The following RPGRIP1L variants were observed in gnomAD, a reference collection of about 807,000 sequenced individuals.
RPGRIP1L encodes the protein protein fantom.
Under a neutral mutation model 160.4 loss-of-function variants are expected in RPGRIP1L, and 131 were observed. The ratio of observed to expected loss-of-function variants is 0.82; its 90% confidence interval spans 0.71 to 0.94. The LOEUF (loss-of-function observed/expected upper bound fraction) is 0.94. Among genes scored for constraint, RPGRIP1L ranks in the 40% least tolerant of loss-of-function variants. RPGRIP1L has a pLI of 0.00. For missense variants in RPGRIP1L, 1,522 were observed against 1,535.8 expected (o/e 0.99, Z 0.15); for synonymous variants, 510 against 515.8 (o/e 0.99, Z 0.15).
intron 3 of RPGRIP1L, chr16:53,695,474 G>A: frequency 2.8e-6 from 2 of 702,496 alleles, no homozygotes; most frequent in Non-Finnish European, 5.2e-6. Context: ...ACATAAATAT[G>A]AATACAGACC....
rs556357133 is a variant in RPGRIP1L, at chr16:53,625,382, G to C, written c.3295-3026C>G. Among the ~76,000 whole-genome samples the C allele has an allele frequency of 1.7e-3, 258 of 149,028 alleles. 2 individuals carry two copies. Among genetic ancestry groups the C allele is most frequent in the Non-Finnish European group, 2.5e-3 (166 of 66,798 alleles). ...CCTCCGCCCGGCCGCCACCCCGTCTGGGAACTGGGGGGGGCGCCTCAGCCT... is the reference window on the plus strand; with the variant it reads ...CCTCCGCCCGGCCGCCACCCCGTCTCGGAACTGGGGGGGGCGCCTCAGCCT... On this transcript the variant is annotated intron_variant, in intron 22 of 26. Transcript: ENST00000647211.
In RPGRIP1L at chr16:53,622,321, G is replaced by A. The variant is rs1304423187; in HGVS notation, c.3330C>T (p.Ser1110=). 4 of 643,896 alleles carry A rather than the reference G, an allele frequency of 6.2e-6. No individual in the cohort carries two copies. The highest frequency in any genetic ancestry group is 2.1e-5 in the Admixed American group (1 of 46,584). The allele number at this position is 643,896 out of a possible 1,614,324, so 39.9% of individuals were successfully genotyped here. Residue 1110 remains serine (S), a synonymous_variant, in exon 23 of 27, where the codon AGC becomes AGT. Coordinates refer to ENST00000647211, the MANE Select transcript of RPGRIP1L (RefSeq NM_015272.5). ...GGAAGTTGCAGTGAGCTGAGATCGCGCTACTGCACCCCAGCCCGGGAGACA... is the reference window on the plus strand; with the variant it reads ...GGAAGTTGCAGTGAGCTGAGATCGCACTACTGCACCCCAGCCCGGGAGACA... ...LALSPGLGCS[S]AISAHCNFRL... is the part of the protein sequence containing the mutation.
chr16:53,698,862 C>T (rs1971124803), intron 2 of RPGRIP1L, among the ~76,000 whole-genome samples: 1 of 152,088 alleles, frequency 6.6e-6, no homozygotes, highest in South Asian at 2.1e-4. Context: ...ACCCCTCTGC[C>T]CAGCCACCAC....
intron 4 of RPGRIP1L, 111 bp downstream of exon 4, chr16:53,691,955 T>C: frequency 2.0e-6 from 2 of 1,001,354 alleles, no homozygotes; most frequent in Admixed American, 1.9e-5. Context: ...ATTTTTCTCT[T>C]CCTAAAGACA....
chr16:53,647,288 A>T (rs1436001991), intron 16 of RPGRIP1L, among the ~76,000 whole-genome samples: 1 of 152,216 alleles, frequency 6.6e-6, no homozygotes, highest in African/African-American at 2.4e-5. Context: ...AGCAAAAACA[A>T]CAAAAAAGGG....
chr16:53,645,675 C>T lies in RPGRIP1L; in HGVS notation c.2633G>A (p.Gly878Glu). ...CGAAATCAGAGGCACATTGACTTTT[C>T]CTATGTAAATATTCTCCTGGGTATC... ...DSDTQENIYI[G>E]KVNVPLISLA... Residue 878 changes from glycine (G) to glutamate (E), a missense_variant, in exon 17 of 27, where the codon GGA becomes GAA. Coordinates refer to ENST00000647211, the MANE Select transcript of RPGRIP1L (RefSeq NM_015272.5). 2.5e-6 allele frequency: 4 copies of T among 1,613,980 alleles called. No homozygotes were observed. Among genetic ancestry groups the T allele is most frequent in the Non-Finnish European group, 2.5e-6 (3 of 1,179,962 alleles).
chr16:53,664,751 G>T, intron 10 of RPGRIP1L, 119 bp downstream of exon 10: 2 of 1,113,458 alleles, frequency 1.8e-6, no homozygotes, highest in Non-Finnish European at 2.7e-6. Context: ...GACTGTGTCT[G>T]TCCCTCATAC....
At chr16:53,637,956 C>T (rs1965945967) in intron 20 of RPGRIP1L, 102 bp from the exon 21 acceptor site, 2 of 1,136,076 alleles carry the variant, frequency 1.8e-6, no homozygotes, top group East Asian at 2.4e-5. Flanking sequence ...AAATTTGAGA[C>T]TTAAATATAC....
At chr16:53,624,914 C>T (rs1011117303) in intron 22 of RPGRIP1L, among the ~76,000 whole-genome samples, 4 of 152,042 alleles carry the variant, frequency 2.6e-5, no homozygotes, top group East Asian at 1.9e-4. Context: ...TGCAGGCGTG[C>T]GCCACCACGC....
chr16:53,699,774 CGCCACT>C (rs908654416), intron 2 of RPGRIP1L, among the ~76,000 whole-genome samples: 1 of 147,528 alleles, frequency 6.8e-6, no homozygotes, highest in Non-Finnish European at 1.5e-5. Context: ...GCGGAGGTCG[CGCCACT>C]GCACTCCAGC....
intron 22 of RPGRIP1L, among the ~76,000 whole-genome samples, chr16:53,632,734 G>A (rs1965599287): frequency 6.6e-6 from 1 of 152,084 alleles, no homozygotes; most frequent in South Asian, 2.1e-4. Context: ...CATGCACTAC[G>A]TTCTCTCAGA....
In RPGRIP1L at chr16:53,703,811, T is replaced by C. The variant is rs909461672; in HGVS notation, c.-16A>G. ...TCCTCCCGGGTACTCACCGTGCCAC[T>C]GGCCCTGCAGCTAGCTACCGTTGCT... On this transcript the variant is annotated 5_prime_UTR_variant, in exon 1 of 27. Transcript: ENST00000647211. 1.0e-5 allele frequency: 4 copies of C among 400,740 alleles called. No homozygotes were observed. The highest frequency in any genetic ancestry group is 7.2e-5 in the Admixed American group (2 of 27,856). 24.8% of individuals were successfully genotyped at this position (400,740 alleles called of 1,614,324 possible).
chr16:53,645,518 C>A, intron 17 of RPGRIP1L, 107 bp downstream of exon 17: 2 of 1,040,956 alleles, frequency 1.9e-6, no homozygotes, highest in Non-Finnish European at 2.8e-6. Context: ...AGTTTAAAGA[C>A]TGAGAAGAGG....
intron 6 of RPGRIP1L, among the ~76,000 whole-genome samples, chr16:53,680,301 C>T (rs1969507193): frequency 6.6e-6 from 1 of 151,926 alleles, no homozygotes; most frequent in Admixed American, 6.6e-5. Flanking sequence ...CAGATCACTC[C>T]CCTGTGTAAC....
chr16:53,615,920 G>A (rs1487435003), intron 24 of RPGRIP1L, among the ~76,000 whole-genome samples: 1 of 152,112 alleles, frequency 6.6e-6, no homozygotes, highest in African/African-American at 2.4e-5. Flanking sequence ...TTTTGTGTAT[G>A]TAGGTTATAC....
chr16:53,666,869 C>CT (rs1305098135), intron 9 of RPGRIP1L, among the ~76,000 whole-genome samples: 1 of 152,068 alleles, frequency 6.6e-6, no homozygotes, highest in Non-Finnish European at 1.5e-5. Context: ...TAGTGTAAAT[C>CT]AGCATAAGTC....
intron 23 of RPGRIP1L, among the ~76,000 whole-genome samples, chr16:53,621,775 C>T (rs1964728943): frequency 6.6e-6 from 1 of 151,956 alleles, no homozygotes; most frequent in African/African-American, 2.4e-5. Context: ...GTAATCCCAG[C>T]ACTTTGGGAG....
At chr16:53,666,590 GTGTATA>G (rs961684422) in intron 9 of RPGRIP1L, among the ~76,000 whole-genome samples, 14 of 130,550 alleles carry the variant, frequency 1.1e-4, no homozygotes, top group African/African-American at 3.5e-4. Context: ...GTGTGTGTGT[GTGTATA>G]TATATATATA....
At chr16:53,690,608 C>T (rs4617860) in intron 4 of RPGRIP1L, among the ~76,000 whole-genome samples, 25,529 of 152,186 alleles carry the variant, frequency 0.17, 2,236 homozygotes, top group Middle Eastern at 0.23. Context: ...TAGGTGTACA[C>T]CATTGTGCCT....
Sources: allele counts gnomAD v4.1 joint callset (sites outside exome capture counted in the v4.1 genomes callset), GRCh38; gene constraint gnomAD v4.1.1; transcripts MANE v1.5; gene names NCBI Gene and HGNC (gene_info 2026-07-23, HGNC 2026-07-21).